CUX2: variants seen among roughly 807,000 people sequenced by gnomAD.
The protein encoded by CUX2 is homeobox protein cut-like 2.
CUX2 carries 40 observed loss-of-function variants against 144.8 expected under a neutral mutation model. The observed-to-expected ratio is 0.28, with a 90% CI of 0.21 to 0.36. CUX2 has a LOEUF of 0.36. Among genes scored for constraint, CUX2 ranks in the 10% least tolerant of loss-of-function variants. The pLI, the probability that CUX2 is intolerant of heterozygous loss-of-function variation, is 1.00. For missense variants in CUX2, 1,615 were observed against 1,994.0 expected (o/e 0.81, Z 3.62); for synonymous variants, 827 against 875.6 (o/e 0.94, Z 0.98).
rs954888721 is a variant in CUX2, at chr12:111,171,099, A to G, written c.64-43101A>G. Reference sequence around the variant, plus strand: ...TGGCGTTGGCATCCAAGGAGAGAATAGGTGCTGGTAACACCTGGAGTCATC... The same window carrying G: ...TGGCGTTGGCATCCAAGGAGAGAATGGGTGCTGGTAACACCTGGAGTCATC... On this transcript the variant is annotated intron_variant, in intron 1 of 21. Coordinates refer to ENST00000261726, the MANE Select transcript of CUX2 (RefSeq NM_015267.4). The surrounding 1 kb of genome is among the most constrained non-coding windows in gnomAD (Gnocchi z 5.0). 5.3e-5 allele frequency among the ~76,000 whole-genome samples: 8 copies of G among 152,110 alleles called. No individual in the cohort carries two copies. Among genetic ancestry groups the G allele is most frequent in the African/African-American group, 1.9e-4 (8 of 41,398 alleles).
At chr12:111,176,088 G>T (rs964129370) in intron 1 of CUX2, among the ~76,000 whole-genome samples, 48 of 104,780 alleles carry the variant, frequency 4.6e-4, no homozygotes, top group African/African-American at 1.4e-3. Flanking sequence ...GTTTCACTCT[G>T]TTGCCCAGGC....
In CUX2 at chr12:111,037,549, C is replaced by G. The variant is rs933409361; in HGVS notation, c.63+3309C>G. Reference sequence around the variant, plus strand: ...ACATGTGCCACCCTACTCCGGCACTCCTGAAACTACCTCCCCCCGTCTTTG... The same window carrying G: ...ACATGTGCCACCCTACTCCGGCACTGCTGAAACTACCTCCCCCCGTCTTTG... On this transcript the variant is annotated intron_variant, in intron 1 of 21. Transcript: ENST00000261726. The surrounding 1 kb of genome is among the most constrained non-coding windows in gnomAD (Gnocchi z 5.4). 6.6e-6 allele frequency among the ~76,000 whole-genome samples: 1 copy of G among 152,212 alleles called. No individual in the cohort carries two copies. The highest frequency in any genetic ancestry group is 2.4e-5 in the African/African-American group (1 of 41,436).
At chr12:111,201,539 G>A (rs1592833551) in intron 1 of CUX2, among the ~76,000 whole-genome samples, 1 of 152,290 alleles carries the variant, frequency 6.6e-6, no homozygotes, top group Middle Eastern at 3.4e-3. Context: ...CTCTCTCCAG[G>A]TGTGCTTTTC....
intron 1 of CUX2, among the ~76,000 whole-genome samples, chr12:111,126,061 T>C (rs1875054200): frequency 6.6e-6 from 1 of 151,362 alleles, no homozygotes; most frequent in African/African-American, 2.4e-5. Flanking sequence ...GGCGGATTTA[T>C]TATAAGGAAT....
chr12:111,306,010 G>T (rs770232502), intron 10 of CUX2, among the ~76,000 whole-genome samples: 16 of 152,152 alleles, frequency 1.1e-4, no homozygotes, highest in Non-Finnish European at 1.5e-4. Context: ...ATGTTCCTGG[G>T]TGACGGCATA....
In CUX2 at chr12:111,341,950, G is replaced by C; in HGVS notation, c.3556G>C (p.Ala1186Pro). The C allele has an allele frequency of 6.2e-7, 1 of 1,614,106 alleles. No homozygotes were observed. Among genetic ancestry groups the C allele is most frequent in the Non-Finnish European group, 8.5e-7 (1 of 1,180,016 alleles). ...CGAGGAGAAGGAGGCACTGCGGAAGGCCTATCAGCTGGAACCCTACCCCTC... is the reference window on the plus strand; with the variant it reads ...CGAGGAGAAGGAGGCACTGCGGAAGCCCTATCAGCTGGAACCCTACCCCTC... ...APEEKEALRK[A>P]YQLEPYPSQQ... is the part of the protein sequence containing the mutation. Residue 1186 changes from alanine (A) to proline (P), a missense_variant, in exon 21 of 22, where the codon GCC becomes CCC. This residue lies in a region of CUX2 where 131 missense variants were observed against 223.1 expected (regional missense o/e 0.59). Coordinates refer to ENST00000261726, the MANE Select transcript of CUX2 (RefSeq NM_015267.4).
rs1869414454 is a variant in CUX2 at position 111,035,759 on chromosome 12, A to G, written c.63+1519A>G. ...CACTCCTCGCTCTCCCCCTCCCCCA[A>G]AGCCATTGAGCTGGGGAGAAAATCG... On this transcript the variant is annotated intron_variant, in intron 1 of 21. Coordinates refer to ENST00000261726, the MANE Select transcript of CUX2 (RefSeq NM_015267.4). The surrounding 1 kb of genome is among the most constrained non-coding windows in gnomAD (Gnocchi z 6.0). Among the ~76,000 whole-genome samples, 1 of 151,678 alleles carries G rather than the reference A, an allele frequency of 6.6e-6. No individual in the cohort carries two copies. The highest frequency in any genetic ancestry group is 1.9e-4 in the East Asian group (1 of 5,170).
chr12:111,097,624 AG>A (rs111962198), intron 1 of CUX2, among the ~76,000 whole-genome samples: 2 of 152,184 alleles, frequency 1.3e-5, no homozygotes, highest in African/African-American at 4.8e-5. Context: ...TTCTGCTCTC[AG>A]GGGGGTCACT....
rs555365244 is a variant in CUX2 at position 111,229,944 on chromosome 12, G to A, written c.222+12007G>A. Among the ~76,000 whole-genome samples the A allele has an allele frequency of 1.4e-3, 218 of 151,320 alleles. 1 individual carries two copies. Among genetic ancestry groups the A allele is most frequent in the African/African-American group, 4.7e-3 (194 of 41,088 alleles). ...TGGGAGGACTGCATGAGCCCAGGAG[G>A]TCGAGGCTGCAGTGAACTGAGATCG... On this transcript the variant is annotated intron_variant, in intron 3 of 21. Coordinates refer to ENST00000261726, the MANE Select transcript of CUX2 (RefSeq NM_015267.4).
intron 1 of CUX2, among the ~76,000 whole-genome samples, chr12:111,197,425 C>T (rs765782964): frequency 2.6e-5 from 4 of 152,302 alleles, no homozygotes; most frequent in African/African-American, 7.2e-5. Flanking sequence ...AGGGACTTTG[C>T]GGTGGCCACT....
intron 1 of CUX2, among the ~76,000 whole-genome samples, chr12:111,202,002 G>A (rs1880624625): frequency 6.6e-6 from 1 of 152,182 alleles, no homozygotes; most frequent in African/African-American, 2.4e-5. Context: ...GATGCAGTGG[G>A]CCAAGGCGTT....
At chr12:111,169,431 A>G (rs1222299731) in intron 1 of CUX2, among the ~76,000 whole-genome samples, 1 of 152,164 alleles carries the variant, frequency 6.6e-6, no homozygotes, top group East Asian at 1.9e-4. Flanking sequence ...GTCCGTAGGA[A>G]CAGAACCCCC....
chr12:111,340,385 C>G (rs963786794), intron 20 of CUX2, among the ~76,000 whole-genome samples: 2 of 152,058 alleles, frequency 1.3e-5, no homozygotes, highest in African/African-American at 4.8e-5. Context: ...GAAGGCTGTT[C>G]AGAAATTCAG....
At chr12:111,067,380 G>A (rs1305769022) in intron 1 of CUX2, among the ~76,000 whole-genome samples, 4 of 152,218 alleles carry the variant, frequency 2.6e-5, no homozygotes, top group African/African-American at 9.7e-5. Context: ...GAAGTCTAGA[G>A]CCGCCTGGAG....
Position 111,322,094 on chromosome 12 carries a change from G to T in CUX2, c.2767-327G>T, listed in dbSNP as rs1233248874. Among the ~76,000 whole-genome samples the T allele has an allele frequency of 6.6e-6, 1 of 151,964 alleles. No individual in the cohort carries two copies. Among genetic ancestry groups the T allele is most frequent in the Non-Finnish European group, 1.5e-5 (1 of 67,998 alleles). On this transcript the variant is annotated intron_variant, in intron 17 of 21. Transcript: ENST00000261726. The surrounding 1 kb of genome is among the most constrained non-coding windows in gnomAD (Gnocchi z 4.2). ...ACACTGTGGGAGGCTGAGTTGGGTGGATCACTTGAGGTCAGGAGTTCGAAA... is the reference window on the plus strand; with the variant it reads ...ACACTGTGGGAGGCTGAGTTGGGTGTATCACTTGAGGTCAGGAGTTCGAAA...
At position 111,217,870 on chromosome 12, in the gene CUX2, T is replaced by C. The variant is rs1389395277; in HGVS notation, c.175-20T>C. 6.2e-7 allele frequency: 1 copy of C among 1,614,076 alleles called. No individual in the cohort carries two copies. Among genetic ancestry groups the C allele is most frequent in the East Asian group, 2.2e-5 (1 of 44,884 alleles). ...TCCCACCTGGCACTGTAGTGAACTC[T>C]TTGCTGATCTCTTTTTCAGGAAATC... is the stretch of plus-strand genomic sequence containing the variant. On this transcript the variant is annotated intron_variant, in intron 2 of 21. Coordinates refer to ENST00000261726, the MANE Select transcript of CUX2 (RefSeq NM_015267.4).
rs181379460 is a variant in CUX2, at chr12:111,099,407, C to T, written c.63+65167C>T. 8.7e-4 allele frequency: 329 copies of T among 376,250 alleles called. 1 individual carries two copies. The highest frequency in any genetic ancestry group is 7.6e-3 in the Middle Eastern group (9 of 1,182). 23.3% of individuals were successfully genotyped at this position (376,250 alleles called of 1,614,324 possible). On this transcript the variant is annotated intron_variant, in intron 1 of 21. Coordinates refer to ENST00000261726, the MANE Select transcript of CUX2 (RefSeq NM_015267.4). Reference sequence around the variant, plus strand: ...AAAATAGCTCGGTGCTTTCTTAAACCGTTATGTGGTTTCTCTTCTTCCTTC... The same window carrying T: ...AAAATAGCTCGGTGCTTTCTTAAACTGTTATGTGGTTTCTCTTCTTCCTTC...
intron 18 of CUX2, among the ~76,000 whole-genome samples, chr12:111,324,292 T>C (rs909652117): frequency 6.7e-6 from 1 of 150,022 alleles, no homozygotes; most frequent in African/African-American, 2.5e-5. Flanking sequence ...GAGGTTGCAG[T>C]TGAACTGAGA....
chr12:111,305,843 T>C (rs1457011545), intron 10 of CUX2, among the ~76,000 whole-genome samples: 2 of 152,308 alleles, frequency 1.3e-5, no homozygotes, highest in East Asian at 1.9e-4. Context: ...TTGTGTGTGA[T>C]GATGTGTCCT....
Sources: gnomAD v4.1 joint callset for allele counts (sites outside exome capture counted in the v4.1 genomes callset) on GRCh38, gnomAD v4.1.1 for gene constraint, gnomAD v4.1.1 regional missense constraint, Gnocchi (gnomAD v3.1) non-coding constraint, MANE v1.5 for transcripts, NCBI Gene and HGNC (gene_info 2026-07-23, HGNC 2026-07-21) for gene names.